The following SAXO1 variants were observed in gnomAD, a reference collection of about 807,000 sequenced individuals.
SAXO1 encodes 4930500O09Rik.
In SAXO1, 21 loss-of-function variants were observed where a neutral mutation model predicts 17.5. That is an observed-to-expected ratio of 1.20 (90% confidence interval 0.85 to 1.72). The LOEUF (loss-of-function observed/expected upper bound fraction) is 1.72. SAXO1 is among the 40% of genes most tolerant of loss of function. The probability of loss-of-function intolerance (pLI) is 0.00; values close to 1 mark genes in which losing one functional copy is unlikely to be tolerated. For missense variants in SAXO1, 843 were observed against 596.0 expected (o/e 1.41, Z -4.32); for synonymous variants, 274 against 216.5 (o/e 1.27, Z -2.33).
At chr9:18,935,343 A>G (rs564088859) in intron 3 of SAXO1, among the ~76,000 whole-genome samples, 1 of 152,314 alleles carries the variant, frequency 6.6e-6, no homozygotes, top group African/African-American at 2.4e-5. Context: ...TAGGAAAAAC[A>G]CATACAAAGA....
At chr9:19,025,426 G>A (rs1835434890) in intron 1 of SAXO1, among the ~76,000 whole-genome samples, 2 of 152,098 alleles carry the variant, frequency 1.3e-5, no homozygotes, top group Admixed American at 1.3e-4. Context: ...CTAAGGTTAA[G>A]GAAATTTCCA....
At chr9:18,975,173 G>T (rs1225335071) in intron 1 of SAXO1, among the ~76,000 whole-genome samples, 1 of 152,188 alleles carries the variant, frequency 6.6e-6, no homozygotes, top group African/African-American at 2.4e-5. Flanking sequence ...ATGCTGGAGT[G>T]ACAGCATGAG....
At chr9:18,944,621 T>C (rs568639284) in intron 2 of SAXO1, among the ~76,000 whole-genome samples, 93 of 152,322 alleles carry the variant, frequency 6.1e-4, no homozygotes, top group Middle Eastern at 3.4e-3. Flanking sequence ...ATAAAAGTTA[T>C]AGAGTAGGGA....
chr9:18,929,268 C>G (rs370969664), intron 3 of SAXO1, among the ~76,000 whole-genome samples: 8 of 152,228 alleles, frequency 5.3e-5, no homozygotes, highest in African/African-American at 1.7e-4. Flanking sequence ...TACAGGAGCT[C>G]TCATCACACC....
intron 1 of SAXO1, among the ~76,000 whole-genome samples, chr9:19,004,135 G>T (rs1053395787): frequency 2.0e-5 from 3 of 152,182 alleles, no homozygotes; most frequent in African/African-American, 7.2e-5. Context: ...ATGAAAAAAT[G>T]CTCATCATCA....
chr9:18,984,815 A>G (rs538760253), intron 1 of SAXO1, among the ~76,000 whole-genome samples: 1 of 152,166 alleles, frequency 6.6e-6, no homozygotes, highest in Non-Finnish European at 1.5e-5. Context: ...TTCTTTCAAG[A>G]ACTTTTCCTT....
At chr9:18,969,662 AAACAGC>A (rs1355609913) in intron 1 of SAXO1, among the ~76,000 whole-genome samples, 1 of 151,868 alleles carries the variant, frequency 6.6e-6, no homozygotes, top group Non-Finnish European at 1.5e-5. Context: ...ACTATTATAT[AAACAGC>A]TAAGCACAAT....
intron 1 of SAXO1, among the ~76,000 whole-genome samples, chr9:18,988,664 C>T (rs1488780555): frequency 6.6e-6 from 1 of 152,008 alleles, no homozygotes; most frequent in East Asian, 1.9e-4. Context: ...ATATGCATGC[C>T]CATTGTATGT....
At chr9:18,989,650 A>G (rs986930775) in intron 1 of SAXO1, among the ~76,000 whole-genome samples, 1 of 152,190 alleles carries the variant, frequency 6.6e-6, no homozygotes, top group Non-Finnish European at 1.5e-5. Flanking sequence ...TAAACAACTC[A>G]TAAGTTATAT....
chr9:18,956,910 A>T (rs1399823829), intron 1 of SAXO1, among the ~76,000 whole-genome samples: 3 of 152,242 alleles, frequency 2.0e-5, no homozygotes, highest in Non-Finnish European at 4.4e-5. Flanking sequence ...TGCTATGAAG[A>T]TGTTATCCTC....
intron 1 of SAXO1, among the ~76,000 whole-genome samples, chr9:19,007,715 T>C (rs922760810): frequency 1.4e-5 from 2 of 140,478 alleles, no homozygotes; most frequent in Non-Finnish European, 3.1e-5. Flanking sequence ...TACAGCTTGC[T>C]ACCTGTTTTT....
intron 1 of SAXO1, among the ~76,000 whole-genome samples, chr9:19,019,560 C>A (rs1449189076): frequency 6.6e-6 from 1 of 151,976 alleles, no homozygotes; most frequent in Non-Finnish European, 1.5e-5. Context: ...GAAACCCCAC[C>A]TCTACAAAAA....
At chr9:19,035,595 C>T (rs566861985), upstream of SAXO1, among the ~76,000 whole-genome samples, 2 of 152,194 alleles carry the variant, frequency 1.3e-5, no homozygotes, top group East Asian at 1.9e-4. Context: ...TGGAGGGCTC[C>T]GAAGAAGACA....
chr9:19,046,704 G>C, intron 1 of SAXO1, among the ~76,000 whole-genome samples: 1 of 132,484 alleles, frequency 7.5e-6, no homozygotes, highest in South Asian at 2.4e-4. Context: ...CTTCGTCTCA[G>C]AAAAAAAAAA....
chr9:19,008,225 A>G (rs1350827621), intron 1 of SAXO1, among the ~76,000 whole-genome samples: 1 of 152,072 alleles, frequency 6.6e-6, no homozygotes, highest in Non-Finnish European at 1.5e-5. Context: ...CGATCTGCCC[A>G]CTTTGGCCTC....
chr9:18,966,127 G>C (rs181796474), intron 1 of SAXO1, among the ~76,000 whole-genome samples: 4 of 152,312 alleles, frequency 2.6e-5, no homozygotes, highest in Non-Finnish European at 4.4e-5. Flanking sequence ...AGTCTGATGG[G>C]CTTCCCTTTG....
At chr9:18,960,418 C>G (rs1264831864) in intron 1 of SAXO1, among the ~76,000 whole-genome samples, 1 of 152,114 alleles carries the variant, frequency 6.6e-6, no homozygotes, top group Non-Finnish European at 1.5e-5. Flanking sequence ...CTATTCCTAG[C>G]CTTCCCTGTT....
At chr9:18,984,683 T>C (rs1347073452) in intron 1 of SAXO1, among the ~76,000 whole-genome samples, 1 of 152,220 alleles carries the variant, frequency 6.6e-6, no homozygotes, top group Non-Finnish European at 1.5e-5. Flanking sequence ...TGTTAGGCTT[T>C]GGCTTAAGGG....
chr9:19,046,597 G>A (rs1030192673), intron 1 of SAXO1, among the ~76,000 whole-genome samples: 7 of 152,114 alleles, frequency 4.6e-5, no homozygotes, highest in Non-Finnish European at 7.3e-5. Flanking sequence ...AGCTACTTGG[G>A]AGGCTGAGGC....
Sources: allele counts gnomAD v4.1 joint callset (sites outside exome capture counted in the v4.1 genomes callset), GRCh38; gene constraint gnomAD v4.1.1; transcripts MANE v1.5; gene names NCBI Gene and HGNC (gene_info 2026-07-23, HGNC 2026-07-21).